Variants in ARTN observed in about 807,000 individuals in gnomAD.
ARTN encodes the protein artemin.
A neutral mutation model predicts 15.4 loss-of-function variants in ARTN; 9 were observed. That is an observed-to-expected ratio of 0.58 (90% CI 0.35 to 1.02). The LOEUF (loss-of-function observed/expected upper bound fraction) is 1.02. Among genes scored for constraint, ARTN ranks in the 50% least tolerant of loss-of-function variants. The pLI is 0.02. For missense variants in ARTN, 284 were observed against 327.9 expected, an observed-to-expected ratio of 0.87 and a Z score of 1.03; for synonymous variants, 163 against 155.8, an observed-to-expected ratio of 1.05 and a Z score of -0.35.
chr1:43,935,896 C>T, intron 3 of ARTN, 180 bp downstream of exon 3: 2 of 907,226 alleles, frequency 2.2e-6, no homozygotes, highest in Non-Finnish European at 3.4e-6. Flanking sequence ...TCAGGTGATT[C>T]CTCCCCTGGG....
At position 43,936,308 on chromosome 1, in the gene ARTN, G is replaced by A. The variant is rs1161022837; in HGVS notation, c.206G>A (p.Arg69His). The A allele has an allele frequency of 2.2e-6, 3 of 1,364,798 alleles. No homozygotes were observed. The highest frequency in any genetic ancestry group is 1.9e-6 in the Non-Finnish European group (2 of 1,068,350). The allele number at this position is 1,364,798 out of a possible 1,614,324, so 84.5% of individuals were successfully genotyped here. Residue 69 changes from arginine to histidine, a missense_variant, in exon 5 of 5, where the codon CGC (arginine) becomes CAC (histidine). By Grantham distance (29) the Arg-to-His change is conservative. Transcript: ENST00000372359. This position sits in a 1 kb window ranked among gnomAD's most constrained non-coding sequence, Gnocchi z 6.6. ...TGACTGGGTCTCATTCCAGGGGGACGCACGGCCCGCTGGTGCAGTGGAAGA... is the reference window on the plus strand; with the variant it reads ...TGACTGGGTCTCATTCCAGGGGGACACACGGCCCGCTGGTGCAGTGGAAGA... ...ASPAGHLPGGRTARWCSGRAR... is the reference protein window; with the variant it reads ...ASPAGHLPGGHTARWCSGRAR...
At position 43,936,276 on chromosome 1, in the gene ARTN, C is replaced by G; in HGVS notation, c.200-26C>G. 1 of 1,385,108 alleles carries G rather than the reference C, an allele frequency of 7.2e-7. No individual in the cohort carries two copies. The highest frequency in any genetic ancestry group is 9.3e-7 in the Non-Finnish European group (1 of 1,079,574). The allele number at this position is 1,385,108 out of a possible 1,614,324, so 85.8% of individuals were successfully genotyped here. On this transcript the variant is annotated intron_variant, in intron 4 of 4. Transcript: ENST00000372359. This position sits in a 1 kb window ranked among gnomAD's most constrained non-coding sequence, Gnocchi z 6.6. ...GGCGGGGCGGGGCTGGCCCGGGACA[C>G]CGCGCGTGACTGGGTCTCATTCCAG...
At position 43,936,004 on chromosome 1, in the gene ARTN, G is replaced by A. The variant is rs745819567; in HGVS notation, c.61-89G>A. 37 of 1,572,450 alleles carry A rather than the reference G, an allele frequency of 2.4e-5. No individual in the cohort carries two copies. Among genetic ancestry groups the A allele is most frequent in the Non-Finnish European group, 3.1e-5 (36 of 1,144,806 alleles). On this transcript the variant is annotated intron_variant, in intron 3 of 4. Transcript: ENST00000372359. This position sits in a 1 kb window ranked among gnomAD's most constrained non-coding sequence, Gnocchi z 6.6. ...CCCATGCCCGGCCTGATCTCAGCCC[G>A]AGGACAGCCCCTCCTTGAGGTCCTT...
At chr1:43,935,910 C>A in intron 3 of ARTN, 183 bp from the exon 4 acceptor site, 1 of 959,706 alleles carries the variant, frequency 1.0e-6, no homozygotes, top group East Asian at 2.6e-5. Context: ...CCCTGGGCTC[C>A]CAGAGGCAGC....
At chr1:43,934,973 C>T (rs1325662094) in intron 2 of ARTN, among the ~76,000 whole-genome samples, 1 of 152,186 alleles carries the variant, frequency 6.6e-6, no homozygotes, top group Non-Finnish European at 1.5e-5. Flanking sequence ...TCAGAGGGCC[C>T]ATTAGCTCCC....
At position 43,936,017 on chromosome 1, in the gene ARTN, C is replaced by T. The variant is rs771753935; in HGVS notation, c.61-76C>T. 1 of 1,599,274 alleles carries T rather than the reference C, an allele frequency of 6.3e-7. No individual in the cohort carries two copies. Among genetic ancestry groups the T allele is most frequent in the Non-Finnish European group, 8.6e-7 (1 of 1,167,630 alleles). ...TGATCTCAGCCCGAGGACAGCCCCTCCTTGAGGTCCTTCCTCCCCAAGCCC... is the reference window on the plus strand; with the variant it reads ...TGATCTCAGCCCGAGGACAGCCCCTTCTTGAGGTCCTTCCTCCCCAAGCCC... On this transcript the variant is annotated intron_variant, in intron 3 of 4. Transcript: ENST00000372359. This position sits in a 1 kb window ranked among gnomAD's most constrained non-coding sequence, Gnocchi z 6.6.
At position 43,936,110 on chromosome 1, in the gene ARTN, C is replaced by G; in HGVS notation, c.78C>G (p.Thr26=). ...WPRQQPALWP[T]LAALALLSSV... Reference sequence around the variant, plus strand: ...CCGCGCAGCCTGCCCTGTGGCCCACCCTGGCCGCTCTGGCTCTGCTGAGCA... The same window carrying G: ...CCGCGCAGCCTGCCCTGTGGCCCACGCTGGCCGCTCTGGCTCTGCTGAGCA... Residue 26 remains threonine, a synonymous_variant, in exon 4 of 5, where the codon ACC becomes ACG. Transcript: ENST00000372359. This position sits in a 1 kb window ranked among gnomAD's most constrained non-coding sequence, Gnocchi z 6.6. 3 of 1,609,910 alleles carry G rather than the reference C, an allele frequency of 1.9e-6. No homozygotes were observed. Among genetic ancestry groups the G allele is most frequent in the Non-Finnish European group, 2.5e-6 (3 of 1,179,852 alleles).
rs770466998 is a variant in ARTN at position 43,936,646 on chromosome 1, C to A, written c.544C>A (p.Pro182Thr). The change falls in exon 5 of 5, where the codon CCC becomes ACC. Residue 182 changes from proline to threonine, a missense_variant. Physicochemically the swap from Pro to Thr is conservative, Grantham distance 38 (BLOSUM62 -1). Coordinates refer to ENST00000372359, the MANE Select transcript of ARTN (RefSeq NM_057091.3). The surrounding 1 kb of genome is among the most constrained non-coding windows in gnomAD (Gnocchi z 6.6). ...GALRPPPGSRPVSQPCCRPTR... is the reference protein window; with the variant it reads ...GALRPPPGSRTVSQPCCRPTR... Reference sequence around the variant, plus strand: ...CCTGCGACCGCCCCCGGGCTCCCGGCCCGTCAGCCAGCCCTGCTGCCGACC... The same window carrying A: ...CCTGCGACCGCCCCCGGGCTCCCGGACCGTCAGCCAGCCCTGCTGCCGACC... 6.3e-7 allele frequency: 1 copy of A among 1,594,782 alleles called. No individual in the cohort carries two copies. The highest frequency in any genetic ancestry group is 1.1e-5 in the South Asian group (1 of 88,466).
In ARTN at chr1:43,936,714, C is replaced by G; in HGVS notation, c.612C>G (p.Thr204=). The change falls in exon 5 of 5, where the codon ACC becomes ACG. Residue 204 remains threonine (T), a synonymous_variant. Transcript: ENST00000372359. This position sits in a 1 kb window ranked among gnomAD's most constrained non-coding sequence, Gnocchi z 6.6. ...TCTCCTTCATGGACGTCAACAGCAC[C>G]TGGAGAACCGTGGACCGCCTCTCCG... ...EAVSFMDVNS[T]WRTVDRLSAT... 1 of 1,579,426 alleles carries G rather than the reference C, an allele frequency of 6.3e-7. No individual in the cohort carries two copies. The highest frequency in any genetic ancestry group is 8.6e-7 in the Non-Finnish European group (1 of 1,159,534).
Position 43,935,665 on chromosome 1 carries a change from T to G in ARTN, c.9T>G (p.Leu3=), listed in dbSNP as rs770835502. The change falls in exon 3 of 5, where the codon CTT becomes CTG. Residue 3 remains leucine (L), a synonymous_variant. Coordinates refer to ENST00000372359, the MANE Select transcript of ARTN (RefSeq NM_057091.3). ...TCCTGGTGTTGATAGAGATGGAACT[T>G]GGACTTGGAGGCCTCTCCACGCTGT... ME[L]GLGGLSTLSH... is the part of the protein sequence containing the mutation. 1 of 1,613,566 alleles carries G rather than the reference T, an allele frequency of 6.2e-7. No homozygotes were observed. The highest frequency in any genetic ancestry group is 8.5e-7 in the Non-Finnish European group (1 of 1,179,746).
rs537580827 is a variant in ARTN, at chr1:43,935,893, A to T, written c.60+177A>T. On this transcript the variant is annotated intron_variant, in intron 3 of 4. Transcript: ENST00000372359. ...TCTGAATGGTCGGTGCACTCAGGTG[A>T]TTCCTCCCCTGGGCTCCCAGAGGCA... 752 of 908,682 alleles carry T rather than the reference A, an allele frequency of 8.3e-4. 7 individuals carry two copies. The African/African-American group carries it at 0.012, about 14-fold the overall frequency. 56.3% of individuals were successfully genotyped at this position (908,682 alleles called of 1,614,324 possible).
At position 43,936,793 on chromosome 1, in the gene ARTN, G is replaced by T. The variant is rs1164255092; in HGVS notation, c.*28G>T. The T allele has an allele frequency of 7.1e-7, 1 of 1,409,596 alleles. No homozygotes were observed. Among genetic ancestry groups the T allele is most frequent in the African/African-American group, 1.5e-5 (1 of 67,038 alleles). 87.3% of individuals were successfully genotyped at this position (1,409,596 alleles called of 1,614,324 possible). On this transcript the variant is annotated 3_prime_UTR_variant, in exon 5 of 5. Transcript: ENST00000372359. This position sits in a 1 kb window ranked among gnomAD's most constrained non-coding sequence, Gnocchi z 6.6. ...GCTCGCTCCAGGGCTTTGCAGACTG[G>T]ACCCTTACCGGTGGCTCTTCCTGCC...
Position 43,936,757 on chromosome 1 carries a change from C to T in ARTN, c.655C>T (p.Leu219=). 6.7e-7 allele frequency: 1 copy of T among 1,502,160 alleles called. No homozygotes were observed. The allele number at this position is 1,502,160 out of a possible 1,614,324, so 93.1% of individuals were successfully genotyped here. A position where few individuals can be genotyped will look rare whatever the true frequency, so the allele number is the denominator to read the frequency against. Residue 219 remains leucine, a synonymous_variant, in exon 5 of 5, where the codon CTG becomes TTG. Coordinates refer to ENST00000372359, the MANE Select transcript of ARTN (RefSeq NM_057091.3). The surrounding 1 kb of genome is among the most constrained non-coding windows in gnomAD (Gnocchi z 6.6). ...DRLSATACGC[L]G ...CCTCTCCGCCACCGCCTGCGGCTGCCTGGGCTGAGGGCTCGCTCCAGGGCT... is the reference window on the plus strand; with the variant it reads ...CCTCTCCGCCACCGCCTGCGGCTGCTTGGGCTGAGGGCTCGCTCCAGGGCT...
chr1:43,935,280 C>T (rs2085078712), intron 2 of ARTN: 1 of 252,214 alleles, frequency 4.0e-6, no homozygotes, highest in Admixed American at 5.6e-5. Context: ...TCCAGACCTA[C>T]AACGCAGAGC....
At chr1:43,935,204 TG>T (rs2085078305) in intron 2 of ARTN, among the ~76,000 whole-genome samples, 1 of 152,192 alleles carries the variant, frequency 6.6e-6, no homozygotes, top group Admixed American at 6.5e-5. Flanking sequence ...TCCGGCAGCC[TG>T]GGGTGAAGGC....
Position 43,936,283 on chromosome 1 carries a change from T to G in ARTN, c.200-19T>G. ...CGGGGCTGGCCCGGGACACCGCGCG[T>G]GACTGGGTCTCATTCCAGGGGGACG... On this transcript the variant is annotated intron_variant, in intron 4 of 4. Transcript: ENST00000372359. The surrounding 1 kb of genome is among the most constrained non-coding windows in gnomAD (Gnocchi z 6.6). 1 of 1,381,086 alleles carries G rather than the reference T, an allele frequency of 7.2e-7. No individual in the cohort carries two copies. Among genetic ancestry groups the G allele is most frequent in the Non-Finnish European group, 9.3e-7 (1 of 1,077,212 alleles). The allele number at this position is 1,381,086 out of a possible 1,614,324, so 85.6% of individuals were successfully genotyped here. A position where few individuals can be genotyped will look rare whatever the true frequency, so the allele number is the denominator to read the frequency against.
rs370236511 is a variant in ARTN, at chr1:43,936,736, T to G, written c.634T>G (p.Ser212Ala). The change falls in exon 5 of 5, where the codon TCC becomes GCC. Residue 212 changes from serine (S) to alanine (A), a missense_variant. Transcript: ENST00000372359. This position sits in a 1 kb window ranked among gnomAD's most constrained non-coding sequence, Gnocchi z 6.6. Reference sequence around the variant, plus strand: ...CACCTGGAGAACCGTGGACCGCCTCTCCGCCACCGCCTGCGGCTGCCTGGG... The same window carrying G: ...CACCTGGAGAACCGTGGACCGCCTCGCCGCCACCGCCTGCGGCTGCCTGGG... ...NSTWRTVDRL[S>A]ATACGCLG The G allele has an allele frequency of 1.3e-6, 2 of 1,532,960 alleles. No individual in the cohort carries two copies. The highest frequency in any genetic ancestry group is 1.8e-6 in the Non-Finnish European group (2 of 1,133,448). 95.0% of individuals were successfully genotyped at this position (1,532,960 alleles called of 1,614,324 possible). A position where few individuals can be genotyped will look rare whatever the true frequency, so the allele number is the denominator to read the frequency against.
At position 43,936,585 on chromosome 1, in the gene ARTN, C is replaced by A; in HGVS notation, c.483C>A (p.His161Gln). Residue 161 changes from histidine (H) to glutamine (Q), a missense_variant, in exon 5 of 5, where the codon CAC becomes CAA. Coordinates refer to ENST00000372359, the MANE Select transcript of ARTN (RefSeq NM_057091.3). This position sits in a 1 kb window ranked among gnomAD's most constrained non-coding sequence, Gnocchi z 6.6. ...CCTGCCGCCGCGCGCGCTCTCCACACGACCTCAGCCTGGCCAGCCTACTGG... is the reference window on the plus strand; with the variant it reads ...CCTGCCGCCGCGCGCGCTCTCCACAAGACCTCAGCCTGGCCAGCCTACTGG... ...SGSCRRARSP[H>Q]DLSLASLLGA... 6.3e-7 allele frequency: 1 copy of A among 1,579,960 alleles called. No individual in the cohort carries two copies. The highest frequency in any genetic ancestry group is 1.7e-5 in the Admixed American group (1 of 57,256).
rs1245248795 is a variant in ARTN, at chr1:43,936,431, G to C, written c.329G>C (p.Gly110Ala). Reference sequence around the variant, plus strand: ...GGGGGCCGCGCGGCGCGGGCTGGGGGCCCGGGCAGCCGCGCTCGGGCAGCG... The same window carrying C: ...GGGGGCCGCGCGGCGCGGGCTGGGGCCCCGGGCAGCCGCGCTCGGGCAGCG... ...PRGGRAARAG[G>A]PGSRARAAGA... The change falls in exon 5 of 5, where the codon GGC becomes GCC. Residue 110 changes from glycine (G) to alanine (A), a missense_variant. Gly to Ala is a moderately conservative substitution (Grantham distance 60). Coordinates refer to ENST00000372359, the MANE Select transcript of ARTN (RefSeq NM_057091.3). The surrounding 1 kb of genome is among the most constrained non-coding windows in gnomAD (Gnocchi z 6.6). 39 of 1,132,728 alleles carry C rather than the reference G, an allele frequency of 3.4e-5. No individual in the cohort carries two copies. Among genetic ancestry groups the C allele is most frequent in the Non-Finnish European group, 3.8e-5 (35 of 925,788 alleles). 70.2% of individuals were successfully genotyped at this position (1,132,728 alleles called of 1,614,324 possible). A position where few individuals can be genotyped will look rare whatever the true frequency, so the allele number is the denominator to read the frequency against.
Sources: gnomAD v4.1 joint callset for allele counts (sites outside exome capture counted in the v4.1 genomes callset) on GRCh38, gnomAD v4.1.1 for gene constraint, Gnocchi (gnomAD v3.1) non-coding constraint, MANE v1.5 for transcripts, NCBI Gene and HGNC (gene_info 2026-07-23, HGNC 2026-07-21) for gene names.